The following PDE10A variants were observed in gnomAD, a reference collection of about 807,000 sequenced individuals.
PDE10A encodes the protein phosphodiesterase 10A, also known as cAMP and cAMP-inhibited cGMP 3',5'-cyclic phosphodiesterase 10A.
PDE10A carries 39 observed loss-of-function variants against 97.7 expected under a neutral mutation model. The ratio of observed to expected loss-of-function variants is 0.40; its 90% CI spans 0.31 to 0.52. The LOEUF is 0.52. Ranked by LOEUF, PDE10A falls within the 20% of genes least tolerant of loss-of-function variation. The pLI is 0.56. For missense variants in PDE10A, 731 were observed against 1,047.8 expected, an observed-to-expected ratio of 0.70 and a Z score of 4.17; for synonymous variants, 371 against 376.8, an observed-to-expected ratio of 0.98 and a Z score of 0.18.
chr6:165,675,935 T>C (rs888528556), intron 1 of PDE10A, among the ~76,000 whole-genome samples: 1 of 152,188 alleles, frequency 6.6e-6, no homozygotes, highest in Non-Finnish European at 1.5e-5. Context: ...TACCTAAACT[T>C]GTATGTTTAT....
chr6:165,556,375 A>G (rs911110435), intron 1 of PDE10A, among the ~76,000 whole-genome samples: 3 of 152,232 alleles, frequency 2.0e-5, no homozygotes, highest in Non-Finnish European at 4.4e-5. Context: ...GGGTTTGGTC[A>G]AAGTAATACA....
chr6:165,533,263 T>C (rs975947648), intron 2 of PDE10A, among the ~76,000 whole-genome samples: 1 of 152,182 alleles, frequency 6.6e-6, no homozygotes, highest in Non-Finnish European at 1.5e-5. Flanking sequence ...AATGGTGAGA[T>C]ACAGTCTGAG....
chr6:165,690,060 G>A (rs562992438), intron 1 of PDE10A, among the ~76,000 whole-genome samples: 30 of 152,252 alleles, frequency 2.0e-4, no homozygotes, highest in African/African-American at 7.2e-4. Context: ...AATATCGAGT[G>A]TCTTATTAGG....
intron 1 of PDE10A, among the ~76,000 whole-genome samples, chr6:165,737,648 T>C (rs1792611807): frequency 6.6e-6 from 1 of 152,114 alleles, no homozygotes. Context: ...CTCAACAAGG[T>C]GGTATAGAAG....
intron 1 of PDE10A, among the ~76,000 whole-genome samples, chr6:165,744,317 G>A (rs527848742): frequency 1.3e-5 from 2 of 152,208 alleles, no homozygotes; most frequent in South Asian, 4.2e-4. Flanking sequence ...TAAAGACTGT[G>A]CCAGTTTACA....
chr6:165,922,891 C>G (rs1782796122), intron 1 of PDE10A, among the ~76,000 whole-genome samples: 1 of 152,226 alleles, frequency 6.6e-6, no homozygotes, highest in Non-Finnish European at 1.5e-5. Flanking sequence ...TCCGGGGGTT[C>G]ACTCCCCTCC....
At chr6:165,831,646 G>A (rs1210925157) in intron 1 of PDE10A, among the ~76,000 whole-genome samples, 6 of 151,358 alleles carry the variant, frequency 4.0e-5, no homozygotes, top group Admixed American at 3.9e-4. Flanking sequence ...CACCACGCCC[G>A]GCTAATTTTT....
chr6:165,793,611 C>T (rs1402686347), intron 1 of PDE10A, among the ~76,000 whole-genome samples: 2 of 152,202 alleles, frequency 1.3e-5, no homozygotes, highest in African/African-American at 2.4e-5. Context: ...GCAGAGCAAG[C>T]GATTGGGGCT....
chr6:165,354,223 A>C (rs1197837135), intron 18 of PDE10A, among the ~76,000 whole-genome samples: 1 of 152,196 alleles, frequency 6.6e-6, no homozygotes. Context: ...GCAGTCTGGA[A>C]GTGTATTTCT....
chr6:165,587,770 C>T (rs896039996), intron 1 of PDE10A, among the ~76,000 whole-genome samples: 2 of 152,056 alleles, frequency 1.3e-5, no homozygotes, highest in Non-Finnish European at 2.9e-5. Flanking sequence ...CATATGTCTT[C>T]CAGGAAAGAA....
chr6:165,741,208 T>C (rs1309992367), intron 1 of PDE10A, among the ~76,000 whole-genome samples: 1 of 152,192 alleles, frequency 6.6e-6, no homozygotes, highest in Non-Finnish European at 1.5e-5. Context: ...TTTCACAGTA[T>C]GTACGTATAC....
intron 1 of PDE10A, among the ~76,000 whole-genome samples, chr6:165,934,877 T>C (rs1006383290): frequency 2.0e-5 from 3 of 152,310 alleles, no homozygotes; most frequent in African/African-American, 7.2e-5. Flanking sequence ...TCACATTTAG[T>C]GTCAACTGTC....
chr6:165,848,815 G>A (rs1452888470), intron 1 of PDE10A, among the ~76,000 whole-genome samples: 2 of 152,158 alleles, frequency 1.3e-5, no homozygotes, highest in Admixed American at 1.3e-4. Flanking sequence ...GGGAGGAAGG[G>A]TCAGCCTGCC....
chr6:165,511,121 T>C (rs1781481581), intron 2 of PDE10A, among the ~76,000 whole-genome samples: 2 of 151,998 alleles, frequency 1.3e-5, no homozygotes, highest in Admixed American at 1.3e-4. Context: ...ATCATTAGAT[T>C]GTTTATTTGA....
intron 13 of PDE10A, among the ~76,000 whole-genome samples, chr6:165,413,126 A>G (rs1424656615): frequency 6.6e-6 from 1 of 152,116 alleles, no homozygotes; most frequent in Non-Finnish European, 1.5e-5. Flanking sequence ...AGCTATGACT[A>G]TACTTTTGTG....
intron 1 of PDE10A, among the ~76,000 whole-genome samples, chr6:165,565,793 T>C (rs866830496): frequency 6.6e-6 from 1 of 152,116 alleles, no homozygotes; most frequent in African/African-American, 2.4e-5. Context: ...TATATAAAAC[T>C]GATCTTTGAC....
chr6:165,887,637 A>G (rs778220117), intron 1 of PDE10A, among the ~76,000 whole-genome samples: 1 of 152,222 alleles, frequency 6.6e-6, no homozygotes, highest in African/African-American at 2.4e-5. Context: ...GTTATCTGGA[A>G]AAACTCTTGC....
At chr6:165,954,609 C>G (rs936927617) in intron 1 of PDE10A, among the ~76,000 whole-genome samples, 1 of 152,132 alleles carries the variant, frequency 6.6e-6, no homozygotes, top group Non-Finnish European at 1.5e-5. Context: ...CAGGGTCTCT[C>G]CGTCCTCCCT....
intron 1 of PDE10A, among the ~76,000 whole-genome samples, chr6:165,735,751 G>A (rs2934854): frequency 0.15 from 22,107 of 152,138 alleles, 1,866 homozygotes; most frequent in South Asian, 0.29. Flanking sequence ...TACTCATTCT[G>A]TTTAAATATC....
Sources: allele counts gnomAD v4.1 joint callset (sites outside exome capture counted in the v4.1 genomes callset), GRCh38; gene constraint gnomAD v4.1.1; transcripts MANE v1.5; gene names NCBI Gene and HGNC (gene_info 2026-07-23, HGNC 2026-07-21).